The following RYR3 variants were observed in gnomAD, a reference collection of about 807,000 sequenced individuals.
RYR3 encodes the protein brain ryanodine receptor-calcium release channel.
RYR3 carries 207 observed loss-of-function variants against 584.3 expected under a neutral mutation model. The ratio of observed to expected loss-of-function variants is 0.35; its 90% CI spans 0.32 to 0.40. The LOEUF (loss-of-function observed/expected upper bound fraction) is 0.40, where lower values mean the gene tolerates loss of function less well. RYR3 is among the 10% of genes least tolerant of loss of function. The probability of loss-of-function intolerance (pLI) is 1.00; values close to 1 mark genes in which losing one functional copy is unlikely to be tolerated. For synonymous variants in RYR3, 2,416 were observed against 2,248.5 expected (o/e 1.07, Z -2.11); for missense variants, 5,616 against 6,089.2 (o/e 0.92, Z 2.59).
At chr15:33,640,087 A>G (rs776706827) in intron 27 of RYR3, among the ~76,000 whole-genome samples, 2 of 152,200 alleles carry the variant, frequency 1.3e-5, no homozygotes, top group Non-Finnish European at 2.9e-5. Context: ...TGGTGTCTGC[A>G]GGAGCAGCCT....
chr15:33,763,693 A>G (rs781479188), intron 60 of RYR3, among the ~76,000 whole-genome samples: 10 of 152,002 alleles, frequency 6.6e-5, no homozygotes, highest in Non-Finnish European at 1.3e-4. Context: ...GGATTTTGAG[A>G]CCAGCCTGGC....
rs534062591 is a variant in RYR3 at position 33,406,538 on chromosome 15, G to C, written c.52-66881G>C. Among the ~76,000 whole-genome samples, 13 of 152,328 alleles carry C rather than the reference G, an allele frequency of 8.5e-5. No individual in the cohort carries two copies. The South Asian group carries it at 2.1e-3, about 24-fold the overall frequency. ...ATATTTCAAAGATAACCTTTCAAGA[G>C]CTGAGGAATAAAGAATTGCCATGAA... On this transcript the variant is annotated intron_variant, in intron 1 of 103. Coordinates refer to ENST00000634891, the MANE Select transcript of RYR3 (RefSeq NM_001036.6).
At chr15:33,707,938 C>G (rs1480464220) in intron 43 of RYR3, among the ~76,000 whole-genome samples, 1 of 152,186 alleles carries the variant, frequency 6.6e-6, no homozygotes, top group Non-Finnish European at 1.5e-5. Flanking sequence ...CTGTACTATA[C>G]TATAGTCTTA....
At chr15:33,494,899 GCT>G (rs1433543942) in intron 2 of RYR3, among the ~76,000 whole-genome samples, 1 of 152,112 alleles carries the variant, frequency 6.6e-6, no homozygotes, top group African/African-American at 2.4e-5. Context: ...AAACAGGCAA[GCT>G]CTCTTTTCTC....
Position 33,662,249 on chromosome 15 carries a change from C to T in RYR3, c.4719C>T (p.Asn1573=), listed in dbSNP as rs1566901691. 1.9e-5 allele frequency: 30 copies of T among 1,609,670 alleles called. No individual in the cohort carries two copies. Among genetic ancestry groups the T allele is most frequent in the Non-Finnish European group, 2.5e-5 (29 of 1,178,282 alleles). ...RLYSAVCALG[N]SRVAYALCSH... ...ACAGCGCGGTGTGCGCCCTGGGAAA[C>T]AGCCGCGTGGCCTACGCCCTGTGCA... Residue 1573 remains asparagine, a synonymous_variant, in exon 35 of 104, where the codon AAC becomes AAT. Transcript: ENST00000634891.
chr15:33,528,837 C>A (rs1313942697), intron 3 of RYR3, among the ~76,000 whole-genome samples: 1 of 152,128 alleles, frequency 6.6e-6, no homozygotes, highest in African/African-American at 2.4e-5. Flanking sequence ...ACCCCCCTCC[C>A]CCAGCTTTTG....
At chr15:33,683,318 T>C (rs1017472991) in intron 38 of RYR3, among the ~76,000 whole-genome samples, 5 of 152,082 alleles carry the variant, frequency 3.3e-5, no homozygotes, top group Admixed American at 2.6e-4. Flanking sequence ...TTATGAATAC[T>C]GAAGTATTTT....
intron 16 of RYR3, among the ~76,000 whole-genome samples, chr15:33,597,092 C>G (rs547890273): frequency 6.6e-6 from 1 of 152,178 alleles, no homozygotes; most frequent in East Asian, 1.9e-4. Flanking sequence ...TATCATTAAA[C>G]CCTTATCAAT....
At chr15:33,820,208 C>A (rs185336854) in intron 77 of RYR3, among the ~76,000 whole-genome samples, 268 of 152,328 alleles carry the variant, frequency 1.8e-3, no homozygotes, top group African/African-American at 6.1e-3. Context: ...CAGAAATGTT[C>A]TTTGTCACCT....
chr15:33,368,815 T>C (rs1021124757), intron 1 of RYR3, among the ~76,000 whole-genome samples: 1 of 152,038 alleles, frequency 6.6e-6, no homozygotes, highest in African/African-American at 2.4e-5. Context: ...GTCTCGAGAT[T>C]GGAGAAATAG....
At chr15:33,646,080 C>G (rs185818012) in intron 28 of RYR3, among the ~76,000 whole-genome samples, 8 of 152,334 alleles carry the variant, frequency 5.3e-5, no homozygotes, top group Admixed American at 1.3e-4. Flanking sequence ...ATGCCACCCC[C>G]CTCTGGCATT....
In RYR3 at chr15:33,838,880, G is replaced by T; in HGVS notation, c.12900G>T (p.Leu4300Phe). The T allele has an allele frequency of 1.2e-6, 2 of 1,613,966 alleles. No homozygotes were observed. Among genetic ancestry groups the T allele is most frequent in the South Asian group, 1.1e-5 (1 of 91,064 alleles). Reference sequence around the variant, plus strand: ...TAAAGCATGGGCCTGAAGTGGGTTTGGGTGACCTCTCAGAAATTATTGGCA... The same window carrying T: ...TAAAGCATGGGCCTGAAGTGGGTTTTGGTGACCTCTCAGAAATTATTGGCA... Reference protein sequence around the residue: ...GSLKHGPEVGLGDLSEIIGKD... With the variant: ...GSLKHGPEVGFGDLSEIIGKD... The change falls in exon 89 of 104, where the codon TTG (leucine) becomes TTT (phenylalanine). Residue 4300 changes from leucine to phenylalanine, a missense_variant. By Grantham distance (22) the Leu-to-Phe change is conservative. This residue lies in a region of RYR3 where 918 missense variants were observed against 887.4 expected (regional missense o/e 1.03). Transcript: ENST00000634891.
Position 33,817,390 on chromosome 15 carries a change from G to A in RYR3, c.10599+432G>A, listed in dbSNP as rs574953084. On this transcript the variant is annotated intron_variant, in intron 75 of 103. Coordinates refer to ENST00000634891, the MANE Select transcript of RYR3 (RefSeq NM_001036.6). ...TTTGGCCTTTCAGAAAATTTGGCATGCCTTGTCTCTAACAGACTTCATGCT... is the reference window on the plus strand; with the variant it reads ...TTTGGCCTTTCAGAAAATTTGGCATACCTTGTCTCTAACAGACTTCATGCT... 1.2e-4 allele frequency among the ~76,000 whole-genome samples: 18 copies of A among 152,276 alleles called. No individual in the cohort carries two copies. The South Asian group carries it at 2.7e-3, about 23-fold the overall frequency.
chr15:33,680,001 G>T (rs1280139945), intron 38 of RYR3, among the ~76,000 whole-genome samples: 1 of 152,176 alleles, frequency 6.6e-6, no homozygotes, highest in Non-Finnish European at 1.5e-5. Flanking sequence ...TGGTCAGGTA[G>T]ATGTGCTTAG....
At position 33,571,331 on chromosome 15, in the gene RYR3, A is replaced by G. The variant is rs555130981; in HGVS notation, c.1268+4532A>G. On this transcript the variant is annotated intron_variant, in intron 12 of 103. Transcript: ENST00000634891. ...TTTTTCAAATGCTTTTTCTTGGTCT[A>G]TCGATATGATCATATAGTTTTGTCC... 6.9e-4 allele frequency among the ~76,000 whole-genome samples: 105 copies of G among 152,264 alleles called. 1 individual carries two copies. Among genetic ancestry groups the G allele is most frequent in the African/African-American group, 2.5e-3 (105 of 41,560 alleles).
In RYR3 at chr15:33,490,842, C is replaced by G. The variant is rs183182103; in HGVS notation, c.172-12789C>G. Among the ~76,000 whole-genome samples the G allele has an allele frequency of 3.3e-5, 5 of 151,918 alleles. 1 individual carries two copies. The South Asian group carries it at 1.0e-3, about 32-fold the overall frequency. ...GTCAATTTTTGACTTGAAAAATGAG[C>G]CCTGTGGTTTTGCTCACTACTCAAT... On this transcript the variant is annotated intron_variant, in intron 2 of 103. Coordinates refer to ENST00000634891, the MANE Select transcript of RYR3 (RefSeq NM_001036.6).
At chr15:33,485,025 A>T (rs1295132573) in intron 2 of RYR3, among the ~76,000 whole-genome samples, 1 of 152,208 alleles carries the variant, frequency 6.6e-6, no homozygotes, top group East Asian at 1.9e-4. Context: ...GGAAATGTCA[A>T]TAATTAAAAA....
intron 1 of RYR3, among the ~76,000 whole-genome samples, chr15:33,326,429 G>A (rs915170400): frequency 1.3e-5 from 2 of 152,192 alleles, no homozygotes; most frequent in African/African-American, 4.8e-5. Flanking sequence ...CAGAGAGTTA[G>A]ATATCTAAGG....
intron 1 of RYR3, among the ~76,000 whole-genome samples, chr15:33,367,992 A>C (rs1193942128): frequency 1.3e-5 from 2 of 152,162 alleles, no homozygotes; most frequent in African/African-American, 4.8e-5. Context: ...ATATCTGATG[A>C]AGTATTGTTA....
Sources: allele counts gnomAD v4.1 joint callset (sites outside exome capture counted in the v4.1 genomes callset), GRCh38; gene constraint gnomAD v4.1.1; regional missense constraint gnomAD v4.1.1; transcripts MANE v1.5; gene names NCBI Gene and HGNC (gene_info 2026-07-23, HGNC 2026-07-21).